The following L3MBTL4 variants were observed in gnomAD, a reference collection of about 807,000 sequenced individuals.
L3MBTL4 encodes L3MBTL histone methyl-lysine binding protein 4, also known as lethal(3)malignant brain tumor-like protein 4.
A neutral mutation model predicts 84.5 loss-of-function variants in L3MBTL4; 70 were observed. The observed-to-expected ratio is 0.83, with a 90% CI of 0.68 to 1.01. The LOEUF is 1.01. Among genes scored for constraint, L3MBTL4 ranks in the 50% least tolerant of loss-of-function variants. L3MBTL4 has a pLI of 0.00. For synonymous variants in L3MBTL4, 274 were observed against 259.8 expected, an observed-to-expected ratio of 1.05 and a Z score of -0.52; for missense variants, 715 against 754.8, an observed-to-expected ratio of 0.95 and a Z score of 0.62.
At chr18:6,118,208 A>AACACACAC (rs60207558) in intron 14 of L3MBTL4, among the ~76,000 whole-genome samples, 5 of 141,856 alleles carry the variant, frequency 3.5e-5, no homozygotes, top group African/African-American at 1.3e-4. Context: ...AACACACACA[A>AACACACAC]ACACACACAC....
chr18:6,183,856 C>T (rs1414746353), intron 12 of L3MBTL4, among the ~76,000 whole-genome samples: 2 of 152,168 alleles, frequency 1.3e-5, no homozygotes, highest in South Asian at 4.2e-4. Flanking sequence ...ACATTCAATT[C>T]CCAGTAAGCC....
chr18:6,082,586 T>C (rs1262126565), intron 15 of L3MBTL4: 1 of 152,174 alleles, frequency 6.6e-6, no homozygotes, highest in Non-Finnish European at 1.5e-5. Context: ...TTTATGAAAC[T>C]TCAAGTTGAT....
chr18:6,378,146 C>T (rs1452937118), intron 1 of L3MBTL4, among the ~76,000 whole-genome samples: 9 of 152,194 alleles, frequency 5.9e-5, no homozygotes, highest in Admixed American at 5.9e-4. Flanking sequence ...ATATCCTTTG[C>T]CCACTTTTGG....
At chr18:6,247,161 A>G (rs1333717197) in intron 5 of L3MBTL4, among the ~76,000 whole-genome samples, 3 of 152,120 alleles carry the variant, frequency 2.0e-5, no homozygotes, top group Non-Finnish European at 2.9e-5. Context: ...AGAGTAGTGT[A>G]TTTTCCCTAA....
At chr18:6,316,187 G>A (rs1250955048) in intron 1 of L3MBTL4, among the ~76,000 whole-genome samples, 1 of 152,122 alleles carries the variant, frequency 6.6e-6, no homozygotes. Flanking sequence ...GCCTACTGCT[G>A]GGAGACATAA....
chr18:6,071,815 GGAAA>G lies in L3MBTL4; in HGVS notation c.1444+9062_1444+9065del, dbSNP rs201264000. Among the ~76,000 whole-genome samples the G allele has an allele frequency of 3.3e-3, 381 of 115,156 alleles. 2 individuals carry two copies. Among genetic ancestry groups the G allele is most frequent in the Middle Eastern group, 0.012 (3 of 260 alleles). 75.5% of individuals were successfully genotyped at this position (115,156 alleles called of 152,430 possible). A position where few individuals can be genotyped will look rare whatever the true frequency, so the allele number is the denominator to read the frequency against. ...AAAGAAAGAAAGAAAAAGAAAGAAA[GGAAA>G]GAAAGAAAGAAAGAAAGAGAAAGAG... is the stretch of plus-strand genomic sequence containing the variant. On this transcript the variant is annotated intron_variant, in intron 16 of 18. Coordinates refer to ENST00000317931, the MANE Select transcript of L3MBTL4 (RefSeq NM_001330559.2).
intron 16 of L3MBTL4, among the ~76,000 whole-genome samples, chr18:6,061,067 G>T (rs143508122): frequency 6.6e-6 from 1 of 152,026 alleles, no homozygotes; most frequent in Non-Finnish European, 1.5e-5. Flanking sequence ...TTTTACTTTC[G>T]TAAGAAACTT....
intron 1 of L3MBTL4, among the ~76,000 whole-genome samples, chr18:6,334,181 G>A (rs987880438): frequency 6.6e-6 from 1 of 152,138 alleles, no homozygotes; most frequent in Non-Finnish European, 1.5e-5. Flanking sequence ...TGATGCTCAG[G>A]TCAACAAACG....
At chr18:6,388,387 G>A (rs2054910285) in intron 1 of L3MBTL4, among the ~76,000 whole-genome samples, 1 of 152,156 alleles carries the variant, frequency 6.6e-6, no homozygotes, top group Admixed American at 6.5e-5. Flanking sequence ...AATTTTGAGA[G>A]TAAAAAAGTT....
chr18:6,355,977 C>T (rs749895211), intron 1 of L3MBTL4, among the ~76,000 whole-genome samples: 1 of 152,174 alleles, frequency 6.6e-6, no homozygotes, highest in Non-Finnish European at 1.5e-5. Context: ...AATCAACGGC[C>T]ACCATAGTAG....
At chr18:6,276,334 T>C (rs2049077205) in intron 4 of L3MBTL4, among the ~76,000 whole-genome samples, 1 of 152,222 alleles carries the variant, frequency 6.6e-6, no homozygotes, top group African/African-American at 2.4e-5. Flanking sequence ...TTTAAATTGA[T>C]TGAGACCTGT....
rs139134778 is a variant in L3MBTL4, at chr18:6,249,612, C to T, written c.220-5024G>A. Among the ~76,000 whole-genome samples the T allele has an allele frequency of 6.4e-3, 976 of 152,248 alleles. 8 individuals are homozygous for T. The highest frequency in any genetic ancestry group is 0.023 in the African/African-American group (941 of 41,538). The stretch of plus-strand genomic sequence containing the variant: ...TTCATTTTAACAATCTGAAAGGCAA[C>T]ATTTAGTGAGAAATATCACTGCCTT... On this transcript the variant is annotated intron_variant, in intron 5 of 18. Coordinates refer to ENST00000317931, the MANE Select transcript of L3MBTL4 (RefSeq NM_001330559.2).
At chr18:6,354,591 C>G (rs1469358744) in intron 1 of L3MBTL4, among the ~76,000 whole-genome samples, 1 of 152,064 alleles carries the variant, frequency 6.6e-6, no homozygotes, top group Non-Finnish European at 1.5e-5. Context: ...AAGAAAAAAT[C>G]TAATAATCCA....
intron 1 of L3MBTL4, among the ~76,000 whole-genome samples, chr18:6,404,091 TG>T (rs1278432861): frequency 1.2e-5 from 1 of 82,804 alleles, no homozygotes; most frequent in Admixed American, 1.5e-4. Flanking sequence ...TTTGGGGACT[TG>T]GGGGGAAGGG....
intron 1 of L3MBTL4, among the ~76,000 whole-genome samples, chr18:6,335,911 A>C (rs1385222986): frequency 6.6e-6 from 1 of 152,168 alleles, no homozygotes; most frequent in Non-Finnish European, 1.5e-5. Flanking sequence ...GTCTCAGGTA[A>C]TATCTTTATA....
chr18:6,063,818 C>T (rs936007776), intron 16 of L3MBTL4, among the ~76,000 whole-genome samples: 1 of 151,954 alleles, frequency 6.6e-6, no homozygotes, highest in Non-Finnish European at 1.5e-5. Context: ...TCTGTTTACT[C>T]TGCTGATTAT....
At chr18:5,960,072 A>ACGTG (rs2095256127) in intron 18 of L3MBTL4, 22 bp downstream of exon 18, 1 of 855,792 alleles carries the variant, frequency 1.2e-6, no homozygotes, top group African/African-American at 1.7e-5. Flanking sequence ...ATATATATAT[A>ACGTG]TATAATTTTT....
chr18:6,290,154 G>T (rs1391349917), intron 4 of L3MBTL4, among the ~76,000 whole-genome samples: 1 of 152,092 alleles, frequency 6.6e-6, no homozygotes, highest in Non-Finnish European at 1.5e-5. Flanking sequence ...GGGCTCAAAC[G>T]ATCCTACCAC....
intron 9 of L3MBTL4, among the ~76,000 whole-genome samples, chr18:6,238,700 T>C (rs897409924): frequency 1.3e-5 from 2 of 152,140 alleles, no homozygotes; most frequent in Non-Finnish European, 2.9e-5. Context: ...ATGACATCTT[T>C]CCTCCTTGTC....
Sources: allele counts gnomAD v4.1 joint callset (sites outside exome capture counted in the v4.1 genomes callset), GRCh38; gene constraint gnomAD v4.1.1; transcripts MANE v1.5; gene names NCBI Gene and HGNC (gene_info 2026-07-23, HGNC 2026-07-21).